Variants in SGCD observed in about 807,000 individuals in gnomAD.
SGCD encodes delta-sarcoglycan.
SGCD carries 18 observed loss-of-function variants against 36.6 expected under a neutral mutation model. The ratio of observed to expected loss-of-function variants is 0.49; its 90% CI spans 0.34 to 0.73. The LOEUF (loss-of-function observed/expected upper bound fraction) is 0.73, where lower values mean the gene tolerates loss of function less well. SGCD is among the 30% of genes least tolerant of loss of function. The pLI is 0.01. For missense variants in SGCD, 387 were observed against 346.7 expected (o/e 1.12, Z -0.92); for synonymous variants, 133 against 130.6 (o/e 1.02, Z -0.12).
At chr5:155,775,639 A>T in the SGCD span, among the ~76,000 whole-genome samples, 1 of 152,156 alleles carries the variant, frequency 6.6e-6, no homozygotes, top group Non-Finnish European at 1.5e-5. Flanking sequence ...GGCAACTATC[A>T]CTTGCTTCTT....
intron 3 of SGCD, among the ~76,000 whole-genome samples, chr5:156,205,890 A>G (rs1394805515): frequency 6.6e-6 from 1 of 151,520 alleles, no homozygotes; most frequent in Non-Finnish European, 1.5e-5. Context: ...CTGCTTAAGC[A>G]TCCCTAGACC....
chr5:155,924,330 A>G (rs1313177757), intron 1 of SGCD, among the ~76,000 whole-genome samples: 1 of 152,194 alleles, frequency 6.6e-6, no homozygotes, highest in East Asian at 1.9e-4. Flanking sequence ...CAAATAGTTT[A>G]TTGTCAGCAC....
chr5:156,182,580 G>T (rs1424431625), intron 3 of SGCD, among the ~76,000 whole-genome samples: 1 of 152,192 alleles, frequency 6.6e-6, no homozygotes, highest in Non-Finnish European at 1.5e-5. Flanking sequence ...CTGGGTGATA[G>T]AGTGAGGCTC....
chr5:156,465,045 T>G (rs925660820), intron 3 of SGCD, among the ~76,000 whole-genome samples: 1 of 151,982 alleles, frequency 6.6e-6, no homozygotes, highest in African/African-American at 2.4e-5. Context: ...AGCTTGAAAA[T>G]AAATTGGATG....
intron 7 of SGCD, among the ~76,000 whole-genome samples, chr5:156,680,566 A>T (rs529890197): frequency 2.8e-4 from 43 of 152,306 alleles, no homozygotes; most frequent in Non-Finnish European, 5.4e-4. Flanking sequence ...TATTTCATCC[A>T]CTCAACTAAT....
intron 1 of SGCD, among the ~76,000 whole-genome samples, chr5:156,017,717 T>G (rs1307868470): frequency 1.3e-5 from 2 of 152,170 alleles, no homozygotes; most frequent in Admixed American, 6.5e-5. Context: ...GAAATGTTTT[T>G]CTAAGAATGA....
intron 3 of SGCD, among the ~76,000 whole-genome samples, chr5:156,212,703 T>C (rs1764476734): frequency 6.6e-6 from 1 of 152,110 alleles, no homozygotes; most frequent in Non-Finnish European, 1.5e-5. Flanking sequence ...ATACACATTC[T>C]TCTCAAGTAT....
At chr5:156,231,198 T>C (rs904760604) in intron 3 of SGCD, among the ~76,000 whole-genome samples, 1 of 152,306 alleles carries the variant, frequency 6.6e-6, no homozygotes, top group South Asian at 2.1e-4. Flanking sequence ...TTGGAAATAC[T>C]CTTATATGCC....
upstream of SGCD, among the ~76,000 whole-genome samples, chr5:155,865,931 G>A (rs187486643): frequency 6.0e-4 from 92 of 152,244 alleles, no homozygotes; most frequent in Admixed American, 3.9e-3. Context: ...TCAAGAAAAT[G>A]TTTACCAAAT....
intron 1 of SGCD, among the ~76,000 whole-genome samples, chr5:156,096,095 A>T (rs1761367913): frequency 6.6e-6 from 1 of 152,152 alleles, no homozygotes; most frequent in African/African-American, 2.4e-5. Flanking sequence ...AGAATATCTC[A>T]GCAGCTTCAA....
In SGCD at chr5:155,965,140, C is replaced by T. The variant is rs146996676; in HGVS notation, c.-282+94716C>T. 1.3e-3 allele frequency among the ~76,000 whole-genome samples: 202 copies of T among 152,220 alleles called. No individual in the cohort carries two copies. The East Asian group carries it at 0.014, about 11-fold the overall frequency. ...ATTAGGTGCATCTCTGCCCTGTACACAAAGAGGGTTGAAGGTGTGGTAGTC... is the reference window on the plus strand; with the variant it reads ...ATTAGGTGCATCTCTGCCCTGTACATAAAGAGGGTTGAAGGTGTGGTAGTC... On this transcript the variant is annotated intron_variant, in intron 1 of 9. Transcript: ENST00000517913.
chr5:156,647,902 T>C (rs562090372), intron 7 of SGCD, among the ~76,000 whole-genome samples: 89 of 152,258 alleles, frequency 5.8e-4, no homozygotes, highest in African/African-American at 2.0e-3. Context: ...CTAAATACAA[T>C]ACGATGTCTT....
At chr5:156,639,878 C>G (rs1762966059) in intron 6 of SGCD, among the ~76,000 whole-genome samples, 1 of 151,480 alleles carries the variant, frequency 6.6e-6, no homozygotes, top group South Asian at 2.1e-4. Context: ...TCCTTCCATA[C>G]TCAAAATTTA....
intron 1 of SGCD, among the ~76,000 whole-genome samples, chr5:155,902,617 G>A (rs1756414936): frequency 6.6e-6 from 1 of 152,152 alleles, no homozygotes; most frequent in African/African-American, 2.4e-5. Context: ...TGTGACCACA[G>A]CTTCTGACTT....
At chr5:156,525,352 T>C (rs1757600834) in intron 4 of SGCD, among the ~76,000 whole-genome samples, 1 of 152,140 alleles carries the variant, frequency 6.6e-6, no homozygotes, top group Non-Finnish European at 1.5e-5. Context: ...CATATACCTG[T>C]TGGTCAGTTG....
chr5:155,976,914 C>T (rs1015594139), intron 1 of SGCD, among the ~76,000 whole-genome samples: 2 of 151,410 alleles, frequency 1.3e-5, no homozygotes, highest in African/African-American at 4.9e-5. Context: ...CGGTTTTGTC[C>T]CCTCCTTCAT....
intron 3 of SGCD, among the ~76,000 whole-genome samples, chr5:156,140,351 C>A (rs56206905): frequency 0.068 from 10,318 of 152,056 alleles, 675 homozygotes; most frequent in African/African-American, 0.17. Flanking sequence ...AGAGAGATGT[C>A]GAGAAAGGCT....
intron 3 of SGCD, among the ~76,000 whole-genome samples, chr5:156,492,018 T>C (rs561516505): frequency 6.6e-6 from 1 of 152,214 alleles, no homozygotes; most frequent in African/African-American, 2.4e-5. Flanking sequence ...TCTGTGACAA[T>C]GATGGCTATT....
chr5:156,060,247 G>C (rs1760169247), intron 1 of SGCD, among the ~76,000 whole-genome samples: 1 of 146,184 alleles, frequency 6.8e-6, no homozygotes, highest in Admixed American at 6.9e-5. Flanking sequence ...AGACCAAACT[G>C]AGAGAGCCTT....
Sources: gnomAD v4.1 joint callset for allele counts (sites outside exome capture counted in the v4.1 genomes callset) on GRCh38, gnomAD v4.1.1 for gene constraint, MANE v1.5 for transcripts, NCBI Gene and HGNC (gene_info 2026-07-23, HGNC 2026-07-21) for gene names.